QSER1: variants seen among roughly 807,000 people sequenced by gnomAD.
The protein encoded by QSER1 is glutamine and serine rich 1, also known as glutamine and serine-rich protein 1.
In QSER1, 49 loss-of-function variants were observed where a neutral mutation model predicts 158.5. The observed-to-expected ratio is 0.31, with a 90% CI of 0.25 to 0.39. The LOEUF is 0.39. Among genes scored for constraint, QSER1 ranks in the 10% least tolerant of loss-of-function variants. The pLI, the probability that QSER1 is intolerant of heterozygous loss-of-function variation, is 1.00. For synonymous variants in QSER1, 650 were observed against 715.5 expected, an observed-to-expected ratio of 0.91 and a Z score of 1.46; for missense variants, 1,754 against 2,010.3, an observed-to-expected ratio of 0.87 and a Z score of 2.44.
intron 1 of QSER1, among the ~76,000 whole-genome samples, chr11:32,921,542 C>T (rs1336504400): frequency 3.9e-5 from 6 of 152,044 alleles, no homozygotes; most frequent in Admixed American, 3.9e-4. Context: ...TCATTTAGAA[C>T]AGAATAGCAA....
chr11:32,954,258 C>G, intron 5 of QSER1, 79 bp downstream of exon 5: 1 of 1,474,676 alleles, frequency 6.8e-7, no homozygotes, highest in Non-Finnish European at 9.1e-7. Context: ...ACTTCAATAG[C>G]ATGCATCTAC....
Position 32,979,494 on chromosome 11 carries a change from T to C in QSER1, c.*3020T>C, listed in dbSNP as rs1048127083. The C allele has an allele frequency of 3.3e-5, 5 of 152,350 alleles. No homozygotes were observed. Among genetic ancestry groups the C allele is most frequent in the Admixed American group, 3.3e-4 (5 of 15,308 alleles). 9.4% of individuals were successfully genotyped at this position (152,350 alleles called of 1,614,324 possible). On this transcript the variant is annotated 3_prime_UTR_variant, in exon 13 of 13. Coordinates refer to ENST00000650167, the MANE Select transcript of QSER1 (RefSeq NM_001076786.3). ...TAAGTCATAAATGTATAATGACTTA[T>C]GAATTAGCACAGTTAAGTTGACACT... is the stretch of plus-strand genomic sequence containing the variant.
intron 9 of QSER1, among the ~76,000 whole-genome samples, chr11:32,968,528 C>G (rs1023376494): frequency 3.4e-4 from 51 of 152,194 alleles, no homozygotes; most frequent in Middle Eastern, 6.8e-3. Context: ...TATTTTGATT[C>G]ATATTTTTGG....
Position 32,973,524 on chromosome 11 carries a change from C to A in QSER1, c.5333C>A (p.Ser1778Tyr). 6.2e-7 allele frequency: 1 copy of A among 1,609,494 alleles called. No individual in the cohort carries two copies. Residue 1778 changes from serine to tyrosine, a missense_variant, in exon 11 of 13, where the codon TCT becomes TAT. Ser to Tyr is a moderately radical substitution (Grantham distance 144, BLOSUM62 -2). Around this residue, in one of 2 missense-constraint regions of QSER1, gnomAD observed 1,707 missense variants for 1,919.6 expected, o/e 0.89. Transcript: ENST00000650167. ...TATAATAAGAAAACTCTAAGGACTTCTAAAACAACCACCAAATCTGCACAA... is the reference window on the plus strand; with the variant it reads ...TATAATAAGAAAACTCTAAGGACTTATAAAACAACCACCAAATCTGCACAA... ...KAYNKKTLRTSKTTTKSAQEF... is the reference protein window; with the variant it reads ...KAYNKKTLRTYKTTTKSAQEF...
At chr11:32,946,937 C>T (rs1313851759) in intron 4 of QSER1, among the ~76,000 whole-genome samples, 2 of 152,326 alleles carry the variant, frequency 1.3e-5, no homozygotes, top group Non-Finnish European at 1.5e-5. Context: ...CGTGGTGCGC[C>T]GTTTTTTAAG....
At chr11:32,898,757 A>G (rs1851589229) in intron 1 of QSER1, among the ~76,000 whole-genome samples, 1 of 152,078 alleles carries the variant, frequency 6.6e-6, no homozygotes, top group African/African-American at 2.4e-5. Context: ...AATTTTTTGT[A>G]GAGATGAGGT....
intron 1 of QSER1, among the ~76,000 whole-genome samples, chr11:32,918,660 A>G (rs994888984): frequency 1.3e-5 from 2 of 151,864 alleles, no homozygotes; most frequent in African/African-American, 4.8e-5. Context: ...TTTTAAGAGA[A>G]TGACTCAGGC....
intron 8 of QSER1, among the ~76,000 whole-genome samples, chr11:32,964,582 T>C (rs191466550): frequency 1.6e-3 from 238 of 151,584 alleles, no homozygotes; most frequent in African/African-American, 5.1e-3. Flanking sequence ...ACACCTACTA[T>C]AGGCCAGGCA....
chr11:32,972,406 CTTATTTATTTATTTATTTAT>C (rs34645067), intron 10 of QSER1, among the ~76,000 whole-genome samples: 24 of 141,008 alleles, frequency 1.7e-4, no homozygotes, highest in Admixed American at 3.6e-4. Flanking sequence ...AGGCCAGTGG[CTTATTTATTTATTTATTTAT>C]TTATTTATTT....
rs574110077 is a variant in QSER1, at chr11:32,904,195, T to C, written c.209+10861T>C. 3.3e-4 allele frequency among the ~76,000 whole-genome samples: 50 copies of C among 151,338 alleles called. 1 individual carries two copies. Among genetic ancestry groups the C allele is most frequent in the East Asian group, 9.7e-4 (5 of 5,176 alleles). ...ATAGTAAGCATTTCTTTTTCTTTTT[T>C]TTTTTTTTTTGTAGGGGAACAGAGT... On this transcript the variant is annotated intron_variant, in intron 1 of 12. Coordinates refer to ENST00000650167, the MANE Select transcript of QSER1 (RefSeq NM_001076786.3).
chr11:32,916,592 T>C (rs1158861887), intron 1 of QSER1, among the ~76,000 whole-genome samples: 1 of 152,162 alleles, frequency 6.6e-6, no homozygotes, highest in Non-Finnish European at 1.5e-5. Context: ...TATGGTATGA[T>C]CTGTCAATCC....
At chr11:32,894,290 ATGAT>A (rs1273642352) in intron 1 of QSER1, among the ~76,000 whole-genome samples, 1 of 152,304 alleles carries the variant, frequency 6.6e-6, no homozygotes, top group African/African-American at 2.4e-5. Flanking sequence ...TCCCATTTGA[ATGAT>A]AACTGGAAGG....
At chr11:32,921,172 A>G (rs1053183211) in intron 1 of QSER1, among the ~76,000 whole-genome samples, 1 of 152,222 alleles carries the variant, frequency 6.6e-6, no homozygotes, top group African/African-American at 2.4e-5. Context: ...CTAAAAAGGA[A>G]TGAGGTACTG....
At chr11:32,950,699 T>C (rs1475097651) in intron 4 of QSER1, among the ~76,000 whole-genome samples, 3 of 152,194 alleles carry the variant, frequency 2.0e-5, no homozygotes, top group Admixed American at 1.3e-4. Context: ...CACCCAGCTA[T>C]AGGCAACCAC....
At chr11:32,964,238 G>A (rs1046585403) in intron 8 of QSER1, among the ~76,000 whole-genome samples, 1 of 151,576 alleles carries the variant, frequency 6.6e-6, no homozygotes, top group Admixed American at 6.6e-5. Context: ...GCCTCCCAAA[G>A]TGCTGGTATT....
intron 1 of QSER1, among the ~76,000 whole-genome samples, chr11:32,924,897 G>C (rs1011182380): frequency 2.0e-5 from 3 of 152,054 alleles, no homozygotes; most frequent in Non-Finnish European, 4.4e-5. Flanking sequence ...CCCTCCTCTA[G>C]TAGCCCCCAG....
At chr11:32,914,368 A>C (rs776288836) in intron 1 of QSER1, among the ~76,000 whole-genome samples, 10 of 152,234 alleles carry the variant, frequency 6.6e-5, no homozygotes, top group Non-Finnish European at 1.2e-4. Flanking sequence ...ATCTTTCTCA[A>C]CTATGAAAAG....
chr11:32,920,320 A>G (rs1359973234), intron 1 of QSER1, among the ~76,000 whole-genome samples: 1 of 152,222 alleles, frequency 6.6e-6, no homozygotes, highest in Non-Finnish European at 1.5e-5. Context: ...TTATACTTTG[A>G]GTAGCAAAAG....
In QSER1 at chr11:32,933,352, A is replaced by G; in HGVS notation, c.2094A>G (p.Leu698=). ...AAGATGGTTTTCCAATGCAAGAGTTACAGGTGTTGCAGCCACAAGCATCTC... is the reference window on the plus strand; with the variant it reads ...AAGATGGTTTTCCAATGCAAGAGTTGCAGGTGTTGCAGCCACAAGCATCTC... ...KQEDGFPMQE[L]QVLQPQASLE... Residue 698 remains leucine (L), a synonymous_variant, in exon 4 of 13, where the codon TTA becomes TTG. Coordinates refer to ENST00000650167, the MANE Select transcript of QSER1 (RefSeq NM_001076786.3). The G allele has an allele frequency of 1.9e-6, 3 of 1,613,132 alleles. No homozygotes were observed. The highest frequency in any genetic ancestry group is 2.5e-6 in the Non-Finnish European group (3 of 1,179,696).
Sources: gnomAD v4.1 joint callset for allele counts (sites outside exome capture counted in the v4.1 genomes callset) on GRCh38, gnomAD v4.1.1 for gene constraint, gnomAD v4.1.1 regional missense constraint, MANE v1.5 for transcripts, NCBI Gene and HGNC (gene_info 2026-07-23, HGNC 2026-07-21) for gene names.